The following THRB variants were observed in gnomAD, a reference collection of about 807,000 sequenced individuals.
THRB encodes nuclear receptor subfamily 1 group A member 2.
Under a neutral mutation model 47.8 loss-of-function variants are expected in THRB, and 12 were observed. The ratio of observed to expected loss-of-function variants is 0.25; its 90% CI spans 0.16 to 0.41. The LOEUF (loss-of-function observed/expected upper bound fraction) is 0.41. Ranked by LOEUF, THRB falls within the 10% of genes least tolerant of loss-of-function variation. THRB has a pLI of 1.00. For missense variants in THRB, 348 were observed against 589.2 expected (o/e 0.59, Z 4.24); for synonymous variants, 218 against 212.2 (o/e 1.03, Z -0.24).
At chr3:24,467,333 C>T (rs1219959613) in intron 1 of THRB, among the ~76,000 whole-genome samples, 1 of 152,202 alleles carries the variant, frequency 6.6e-6, no homozygotes. Context: ...TCAGAATCAA[C>T]TTCTTCCAAA....
At chr3:24,226,945 A>G (rs826221) in intron 4 of THRB, among the ~76,000 whole-genome samples, 16,425 of 150,472 alleles carry the variant, frequency 0.11, 1,281 homozygotes, top group East Asian at 0.28. Context: ...GCCCTTTACA[A>G]CAACAATAAA....
chr3:24,226,120 A>G (rs62253723), intron 4 of THRB, among the ~76,000 whole-genome samples: 3,305 of 152,332 alleles, frequency 0.022, 73 homozygotes, highest in African/African-American at 0.059. Context: ...AGGAAAATAG[A>G]TTCCATATTA....
At chr3:24,458,454 G>C (rs1363622748) in intron 1 of THRB, 2 of 152,202 alleles carry the variant, frequency 1.3e-5, no homozygotes, top group African/African-American at 2.4e-5. Flanking sequence ...AAAAGAAGGA[G>C]CTTTGAAGAA....
chr3:24,193,446 A>AATTTAAGGTAAGAAAT (rs2043591046), intron 4 of THRB, among the ~76,000 whole-genome samples: 1 of 152,240 alleles, frequency 6.6e-6, no homozygotes, highest in South Asian at 2.1e-4. Flanking sequence ...AGGTAAGAAA[A>AATTTAAGGTAAGAAAT]TAAATTAGTG....
chr3:24,444,009 G>A lies in THRB; in HGVS notation c.-261+50643C>T, dbSNP rs550062943. Among the ~76,000 whole-genome samples, 6 of 152,108 alleles carry A rather than the reference G, an allele frequency of 3.9e-5. No homozygotes were observed. In the East Asian group the frequency reaches 9.6e-4, roughly 24 times the overall value. On this transcript the variant is annotated intron_variant, in intron 1 of 10. Transcript: ENST00000646209. ...AAAATCATCCAAAAGGCATTTTATA[G>A]TATTCCAAAACCCATTTTTTTAATT...
intron 3 of THRB, among the ~76,000 whole-genome samples, chr3:24,238,944 CTT>C (rs548620071): frequency 1.7e-4 from 24 of 140,962 alleles, no homozygotes; most frequent in Non-Finnish European, 1.9e-4. Flanking sequence ...GCATTAGGTT[CTT>C]TTTTTTTTTT....
rs778060727 is a variant in THRB, at chr3:24,233,591, G to GAAAAAT, written c.-42-4591_-42-4590insATTTTT. Among the ~76,000 whole-genome samples the GAAAAAT allele has an allele frequency of 1.5e-3, 105 of 69,410 alleles. 1 individual carries two copies. Among genetic ancestry groups the GAAAAAT allele is most frequent in the Middle Eastern group, 0.01 (1 of 100 alleles). 45.5% of individuals were successfully genotyped at this position (69,410 alleles called of 152,430 possible). A position where few individuals can be genotyped will look rare whatever the true frequency, so the allele number is the denominator to read the frequency against. ...AGAAAGAAAGAAAGAAAGAAAGAAA[G>GAAAAAT]AAAGAAAGAAAGAAAGAAAGAAAGA... On this transcript the variant is annotated intron_variant, in intron 3 of 10. Coordinates refer to ENST00000646209, the MANE Select transcript of THRB (RefSeq NM_001354712.2).
chr3:24,117,454 T>C lies in THRB; in HGVS notation c.*5430A>G, dbSNP rs1247871170. On this transcript the variant is annotated 3_prime_UTR_variant, in exon 11 of 11. Coordinates refer to ENST00000646209, the MANE Select transcript of THRB (RefSeq NM_001354712.2). ...GGATTCCTGAGGATAAGGTTGGTTA[T>C]GCATCTGTTTTCCTCACCACAGTGA... 1.3e-5 allele frequency: 2 copies of C among 152,290 alleles called. No homozygotes were observed. Among genetic ancestry groups the C allele is most frequent in the African/African-American group, 4.8e-5 (2 of 41,478 alleles). The allele number at this position is 152,290 out of a possible 1,614,324, so 9.4% of individuals were successfully genotyped here. A position where few individuals can be genotyped will look rare whatever the true frequency, so the allele number is the denominator to read the frequency against.
At chr3:24,467,052 A>G (rs991911215) in intron 1 of THRB, among the ~76,000 whole-genome samples, 2 of 152,266 alleles carry the variant, frequency 1.3e-5, no homozygotes, top group East Asian at 3.8e-4. Flanking sequence ...TGCCACTGCT[A>G]TATCAACTAA....
intron 10 of THRB, among the ~76,000 whole-genome samples, chr3:24,126,940 T>C (rs826377): frequency 0.18 from 27,398 of 152,176 alleles, 3,270 homozygotes; most frequent in East Asian, 0.56. Flanking sequence ...GTAAGAAGTC[T>C]ACCCTGCCGG....
chr3:24,428,709 C>A (rs1217279259), intron 1 of THRB, among the ~76,000 whole-genome samples: 1 of 141,962 alleles, frequency 7.0e-6, no homozygotes, highest in Admixed American at 6.9e-5. Context: ...AAGGCTAGAC[C>A]CACAGCTTGA....
At chr3:24,473,782 T>A (rs1695052294) in intron 1 of THRB, among the ~76,000 whole-genome samples, 1 of 152,200 alleles carries the variant, frequency 6.6e-6, no homozygotes, top group South Asian at 2.1e-4. Flanking sequence ...GTTCATGTCC[T>A]TTGCAGGGAC....
upstream of THRB, chr3:24,495,313 CCAGCCAT>C (rs1262695376): frequency 1.5e-3 from 3 of 1,948 alleles, no homozygotes; most frequent in African/African-American, 0.041. Flanking sequence ...GCCGCCGCCG[CCAGCCAT>C]CGCCACCGCC....
At chr3:24,311,149 G>A (rs1002410282) in intron 2 of THRB, among the ~76,000 whole-genome samples, 2 of 152,128 alleles carry the variant, frequency 1.3e-5, no homozygotes, top group Non-Finnish European at 2.9e-5. Context: ...GAAGAGGGAT[G>A]GGAAGCCAGC....
intron 3 of THRB, among the ~76,000 whole-genome samples, chr3:24,253,090 G>C (rs1197864437): frequency 1.3e-5 from 2 of 152,036 alleles, no homozygotes; most frequent in Non-Finnish European, 2.9e-5. Flanking sequence ...AGAAAGAAAG[G>C]TAGAAAAATT....
At chr3:24,420,075 G>A (rs1422399948) in intron 1 of THRB, among the ~76,000 whole-genome samples, 2 of 151,894 alleles carry the variant, frequency 1.3e-5, no homozygotes, top group African/African-American at 4.8e-5. Context: ...TCCTAGAAGT[G>A]AAATTAGTTA....
At chr3:24,488,294 G>A (rs145849907) in intron 1 of THRB, among the ~76,000 whole-genome samples, 2,096 of 152,294 alleles carry the variant, frequency 0.014, 19 homozygotes, top group Non-Finnish European at 0.02. Flanking sequence ...GAAGTTGAAT[G>A]AGCAATTCAG....
intron 1 of THRB, among the ~76,000 whole-genome samples, chr3:24,482,617 C>T (rs1302646694): frequency 2.0e-5 from 3 of 151,768 alleles, no homozygotes; most frequent in East Asian, 3.9e-4. Context: ...GGACCCCCAG[C>T]TTCCACCCTC....
At chr3:24,476,939 T>C (rs914692300) in intron 1 of THRB, among the ~76,000 whole-genome samples, 10 of 152,006 alleles carry the variant, frequency 6.6e-5, no homozygotes, top group Admixed American at 6.6e-4. Context: ...CATCATCAAA[T>C]GCTTGCATTT....
Sources: allele counts gnomAD v4.1 joint callset (sites outside exome capture counted in the v4.1 genomes callset), GRCh38; gene constraint gnomAD v4.1.1; transcripts MANE v1.5; gene names NCBI Gene and HGNC (gene_info 2026-07-23, HGNC 2026-07-21).